Variants in TTC39A observed in about 807,000 individuals in gnomAD.
TTC39A encodes the protein tetratricopeptide repeat protein 39A.
TTC39A carries 46 observed loss-of-function variants against 82.3 expected under a neutral mutation model. The observed-to-expected ratio is 0.56, with a 90% CI of 0.44 to 0.71. The LOEUF (loss-of-function observed/expected upper bound fraction) is 0.71. TTC39A is among the 30% of genes least tolerant of loss of function. The probability of loss-of-function intolerance (pLI) is 0.00; values close to 1 mark genes in which losing one functional copy is unlikely to be tolerated. For synonymous variants in TTC39A, 254 were observed against 275.2 expected (o/e 0.92, Z 0.76); for missense variants, 543 against 712.9 (o/e 0.76, Z 2.71).
intron 12 of TTC39A, chr1:51,296,972 C>T (rs1644456438): frequency 2.0e-5 from 3 of 152,490 alleles, no homozygotes; most frequent in Admixed American, 1.3e-4. Flanking sequence ...AGGAGCCTGG[C>T]TCTGTGCTGC....
chr1:51,295,746 C>G, intron 13 of TTC39A: 1 of 370,168 alleles, frequency 2.7e-6, no homozygotes, highest in South Asian at 3.4e-5. Flanking sequence ...GTTAACTCAG[C>G]AGAGTGAAAG....
chr1:51,330,861 C>G (rs964776146), upstream of TTC39A: 9 of 553,904 alleles, frequency 1.6e-5, no homozygotes, highest in African/African-American at 1.5e-4. The surrounding 1 kb of genome is among the most constrained non-coding windows in gnomAD (Gnocchi z 4.5). Flanking sequence ...TGTCACTTCT[C>G]CTCCCCACAG....
chr1:51,323,747 G>A (rs2148288219), intron 1 of TTC39A, among the ~76,000 whole-genome samples: 1 of 152,114 alleles, frequency 6.6e-6, no homozygotes, highest in South Asian at 2.1e-4. Flanking sequence ...TCAAATCTTA[G>A]TTATTTGGGG....
chr1:51,341,117 G>A (rs1041319235), intron 1 of TTC39A, among the ~76,000 whole-genome samples: 5 of 152,246 alleles, frequency 3.3e-5, no homozygotes, highest in East Asian at 1.9e-4. Flanking sequence ...AGCCGAGATC[G>A]CACCATTGCA....
chr1:51,312,156 G>A lies in TTC39A; in HGVS notation c.318C>T (p.Ser106=), dbSNP rs578049394. 1.2e-5 allele frequency: 19 copies of A among 1,611,566 alleles called. No homozygotes were observed. Among genetic ancestry groups the A allele is most frequent in the Non-Finnish European group, 1.5e-5 (18 of 1,178,992 alleles). ...RKSSVTDSFS[S]LVNRPTLGQF... ...GGCCCAGCGTGGGGCGGTTCACCAG[G>A]CTGCTGAAGGAATCTGTTACAGAAG... Residue 106 remains serine, a synonymous_variant, in exon 4 of 18, where the codon AGC becomes AGT. Coordinates refer to ENST00000680483, the MANE Select transcript of TTC39A (RefSeq NM_001297663.2).
At chr1:51,309,127 G>A in intron 6 of TTC39A, 134 bp downstream of exon 6, 2 of 1,068,264 alleles carry the variant, frequency 1.9e-6, no homozygotes, top group Non-Finnish European at 2.6e-6. Context: ...ATGGAAATCA[G>A]CCTGCAACAG....
chr1:51,331,502 G>A (rs1364660503), upstream of TTC39A: 7 of 985,334 alleles, frequency 7.1e-6, no homozygotes, highest in African/African-American at 1.2e-4. Context: ...CTCCCCTGGA[G>A]CAACTATGAC....
chr1:51,315,731 T>TCAGATACTCTGTCTCTGACC (rs1645258958), intron 2 of TTC39A, among the ~76,000 whole-genome samples: 1 of 152,342 alleles, frequency 6.6e-6, no homozygotes, highest in South Asian at 2.1e-4. Flanking sequence ...TCTCCATCTC[T>TCAGATACTCTGTCTCTGACC]CAGATACTCT....
Position 51,294,500 on chromosome 1 carries a change from C to T in TTC39A, c.1157G>A (p.Gly386Asp), listed in dbSNP as rs1182436521. 2 of 1,613,818 alleles carry T rather than the reference C, an allele frequency of 1.2e-6. No homozygotes were observed. Among genetic ancestry groups the T allele is most frequent in the African/African-American group, 2.7e-5 (2 of 74,920 alleles). ...TTTCCCAGCAATCTTGAGCTTCAGG[C>T]CTGGCACAGCTCTGCGAAAGAGATG... ...DEVELFRAVP[G>D]LKLKIAGKSL... is the part of the protein sequence containing the mutation. The change falls in exon 14 of 18, where the codon GGC becomes GAC. Residue 386 changes from glycine (G) to aspartate (D), a missense_variant. Transcript: ENST00000680483. The surrounding 1 kb of genome is among the most constrained non-coding windows in gnomAD (Gnocchi z 4.3).
intron 5 of TTC39A, 62 bp downstream of exon 5, chr1:51,311,192 G>T: frequency 6.7e-7 from 1 of 1,492,742 alleles, no homozygotes. Context: ...GATGGGTCAT[G>T]GTTGGACGTG....
intron 11 of TTC39A, 81 bp downstream of exon 11, chr1:51,302,276 T>C: frequency 1.9e-6 from 1 of 537,658 alleles, no homozygotes; most frequent in Non-Finnish European, 3.4e-6. Flanking sequence ...TGTCCCTGAG[T>C]ATGTCACATG....
chr1:51,317,862 C>T (rs1645350740), intron 2 of TTC39A, among the ~76,000 whole-genome samples: 1 of 152,094 alleles, frequency 6.6e-6, no homozygotes, highest in South Asian at 2.1e-4. Flanking sequence ...AACAGGTGGC[C>T]CCATGGGAAG....
At chr1:51,332,576 G>C (rs956584398), upstream of TTC39A, among the ~76,000 whole-genome samples, 4 of 152,186 alleles carry the variant, frequency 2.6e-5, no homozygotes, top group Admixed American at 2.6e-4. Flanking sequence ...GAAGCTTTTT[G>C]AGCACTGTAG....
intron 6 of TTC39A, among the ~76,000 whole-genome samples, chr1:51,307,615 G>A (rs1436302230): frequency 6.6e-6 from 1 of 151,530 alleles, no homozygotes; most frequent in Non-Finnish European, 1.5e-5. Context: ...TATGTCTGTG[G>A]TCCCAGCCAC....
At chr1:51,296,583 G>A (rs989227820) in intron 12 of TTC39A, among the ~76,000 whole-genome samples, 1 of 152,238 alleles carries the variant, frequency 6.6e-6, no homozygotes, top group African/African-American at 2.4e-5. Context: ...GCCAGGAGGT[G>A]GCAGGATGTG....
In TTC39A at chr1:51,296,116, G is replaced by A; in HGVS notation, c.1108C>T (p.His370Tyr). ...ACTTCGTCGTCCCCGAACGGCTTGT[G>A]GTCCTCCTTCCCAAACATGCTGAGG... Reference protein sequence around the residue: ...AYLSMFGKEDHKPFGDDEVEL... With the variant: ...AYLSMFGKEDYKPFGDDEVEL... The change falls in exon 13 of 18, where the codon CAC (histidine) becomes TAC (tyrosine). Residue 370 changes from histidine (H) to tyrosine (Y), a missense_variant. By Grantham distance (83) the His-to-Tyr change is moderately conservative (BLOSUM62 2). Transcript: ENST00000680483. 6.3e-7 allele frequency: 1 copy of A among 1,599,980 alleles called. No individual in the cohort carries two copies. Among genetic ancestry groups the A allele is most frequent in the Non-Finnish European group, 8.5e-7 (1 of 1,173,348 alleles).
Position 51,294,356 on chromosome 1 carries a change from C to G in TTC39A, c.1266+35G>C. ...TCAGTGAATCCCCACAATCCTATAC[C>G]CGGAGGGCAGCGCCAGTCCAGACCT... On this transcript the variant is annotated intron_variant, in intron 14 of 17. Transcript: ENST00000680483. The surrounding 1 kb of genome is among the most constrained non-coding windows in gnomAD (Gnocchi z 4.3). The G allele has an allele frequency of 6.2e-7, 1 of 1,613,664 alleles. No individual in the cohort carries two copies. Among genetic ancestry groups the G allele is most frequent in the Non-Finnish European group, 8.5e-7 (1 of 1,179,744 alleles).
At chr1:51,290,952 A>C (rs1444141681) in intron 14 of TTC39A, among the ~76,000 whole-genome samples, 1 of 152,126 alleles carries the variant, frequency 6.6e-6, no homozygotes, top group Non-Finnish European at 1.5e-5. Context: ...CCTTTCTCCC[A>C]ACCTCTCTGG....
intron 12 of TTC39A, chr1:51,300,351 C>A (rs1051949692): frequency 2.0e-5 from 3 of 152,372 alleles, no homozygotes; most frequent in African/African-American, 7.2e-5. Context: ...GGTCCCCAGG[C>A]AGGGCTACGG....
Sources: gnomAD v4.1 joint callset for allele counts (sites outside exome capture counted in the v4.1 genomes callset) on GRCh38, gnomAD v4.1.1 for gene constraint, Gnocchi (gnomAD v3.1) non-coding constraint, MANE v1.5 for transcripts, NCBI Gene and HGNC (gene_info 2026-07-23, HGNC 2026-07-21) for gene names.